Variants in ARIH2 observed in about 807,000 individuals in gnomAD.
The protein encoded by ARIH2 is ariadne RBR E3 ubiquitin protein ligase 2, also known as E3 ubiquitin-protein ligase ARIH2.
A neutral mutation model predicts 79.8 loss-of-function variants in ARIH2; 12 were observed. That is an observed-to-expected ratio of 0.15 (90% CI 0.10 to 0.24). ARIH2 has a LOEUF of 0.24. ARIH2 is among the 10% of genes least tolerant of loss of function. ARIH2 has a pLI of 1.00. For synonymous variants in ARIH2, 224 were observed against 213.9 expected, an observed-to-expected ratio of 1.05 and a Z score of -0.41; for missense variants, 301 against 618.3, an observed-to-expected ratio of 0.49 and a Z score of 5.44.
intron 4 of ARIH2, 32 bp downstream of exon 4, chr3:48,961,711 G>A (rs1363653219): frequency 7.2e-7 from 1 of 1,388,936 alleles, no homozygotes; most frequent in South Asian, 1.2e-5. Context: ...AGAGAACATT[G>A]CCCATAGCTC....
intron 3 of ARIH2, among the ~76,000 whole-genome samples, chr3:48,933,060 A>G (rs1010572749): frequency 6.6e-6 from 1 of 152,192 alleles, no homozygotes; most frequent in Non-Finnish European, 1.5e-5. Context: ...TTTGTAAACT[A>G]TAGGAATAGG....
chr3:48,966,612 G>A (rs7647734), intron 5 of ARIH2, among the ~76,000 whole-genome samples: 91 of 152,264 alleles, frequency 6.0e-4, no homozygotes, highest in African/African-American at 2.0e-3. Flanking sequence ...TGGGTACGTC[G>A]ATATAGTGAA....
intron 3 of ARIH2, among the ~76,000 whole-genome samples, chr3:48,936,206 T>G (rs2087091023): frequency 6.6e-6 from 1 of 152,186 alleles, no homozygotes; most frequent in Non-Finnish European, 1.5e-5. Flanking sequence ...TTATCTTTTT[T>G]TTTTTCTTTG....
intron 7 of ARIH2, among the ~76,000 whole-genome samples, chr3:48,969,946 A>G (rs1399629938): frequency 6.7e-6 from 1 of 149,720 alleles, no homozygotes; most frequent in Non-Finnish European, 1.5e-5. Context: ...GCCGGAGTAC[A>G]GGGACACGAT....
At chr3:48,963,955 G>A (rs759691972) in intron 4 of ARIH2, among the ~76,000 whole-genome samples, 1 of 152,074 alleles carries the variant, frequency 6.6e-6, no homozygotes, top group Non-Finnish European at 1.5e-5. Flanking sequence ...CCAGTTCCTA[G>A]AACCAAATGG....
chr3:48,954,252 G>A (rs1015759760), intron 3 of ARIH2, among the ~76,000 whole-genome samples: 42 of 152,082 alleles, frequency 2.8e-4, no homozygotes, highest in African/African-American at 8.7e-4. Context: ...TCAGGAGATC[G>A]AGACCATCCT....
At chr3:48,925,574 ATGGT>A (rs1240097003) in intron 2 of ARIH2, among the ~76,000 whole-genome samples, 21 of 151,660 alleles carry the variant, frequency 1.4e-4, no homozygotes, top group Non-Finnish European at 3.1e-4. Context: ...GTTTTAGATT[ATGGT>A]TGGTTGTTTT....
intron 3 of ARIH2, among the ~76,000 whole-genome samples, chr3:48,957,266 C>A (rs2090700068): frequency 6.6e-6 from 1 of 152,242 alleles, no homozygotes; most frequent in South Asian, 2.1e-4. Context: ...TCTGAGGCTT[C>A]ACTGTGGCTG....
chr3:48,949,222 A>G, intron 3 of ARIH2: 1 of 403,772 alleles, frequency 2.5e-6, no homozygotes, highest in Non-Finnish European at 5.0e-6. Flanking sequence ...GGTTCATGGC[A>G]TTCTCCTGCC....
intron 11 of ARIH2, among the ~76,000 whole-genome samples, chr3:48,976,407 C>T (rs1288410125): frequency 6.6e-6 from 1 of 151,226 alleles, no homozygotes; most frequent in Non-Finnish European, 1.5e-5. Flanking sequence ...GATGCGGTTT[C>T]ACCATGTTGG....
At chr3:48,938,019 C>T (rs1194208463) in intron 3 of ARIH2, among the ~76,000 whole-genome samples, 1 of 138,932 alleles carries the variant, frequency 7.2e-6, no homozygotes, top group Non-Finnish European at 1.5e-5. Context: ...TGCACTCCAG[C>T]CTGGGCGACA....
At chr3:48,980,582 AAG>A in intron 13 of ARIH2, 86 bp downstream of exon 13, 6 of 1,495,096 alleles carry the variant, frequency 4.0e-6, no homozygotes, top group South Asian at 1.3e-5. Flanking sequence ...GCTCTGTTGA[AAG>A]AGGGTATTTT....
Position 48,922,771 on chromosome 3 carries a change from A to G in ARIH2, c.-138A>G, listed in dbSNP as rs1233773358. On this transcript the variant is annotated 5_prime_UTR_variant, in exon 2 of 16. It adds an upstream start codon to the 5' untranslated region. Transcript: ENST00000356401. ...AGATGGAAATCATATTATGTAGAAT[A>G]CTTGGGTGACATCTGCCTGAGAGAT... 6.6e-6 allele frequency: 1 copy of G among 152,180 alleles called. No homozygotes were observed. Among genetic ancestry groups the G allele is most frequent in the Non-Finnish European group, 1.5e-5 (1 of 68,036 alleles). 9.4% of individuals were successfully genotyped at this position (152,180 alleles called of 1,614,324 possible).
At chr3:48,970,779 T>C (rs1170612241) in intron 8 of ARIH2, 75 bp downstream of exon 8, 3 of 1,181,760 alleles carry the variant, frequency 2.5e-6, no homozygotes, top group Non-Finnish European at 3.8e-6. Context: ...TGTTGCTCCA[T>C]GTGAGGGCGG....
At position 48,976,926 on chromosome 3, in the gene ARIH2, C is replaced by T. The variant is rs535344684; in HGVS notation, c.961+1947C>T. Among the ~76,000 whole-genome samples, 9 of 149,758 alleles carry T rather than the reference C, an allele frequency of 6.0e-5. No individual in the cohort carries two copies. The South Asian group carries it at 6.4e-4, about 11-fold the overall frequency. On this transcript the variant is annotated intron_variant, in intron 11 of 15. Coordinates refer to ENST00000356401, the MANE Select transcript of ARIH2 (RefSeq NM_006321.4). ...CTCAAAAAAAAAAAAACTGGCTGGG[C>T]GCGGTGGCTCACGCCTGTAATCCCA...
intron 1 of ARIH2, among the ~76,000 whole-genome samples, chr3:48,920,344 A>G (rs2084637707): frequency 6.6e-6 from 1 of 150,804 alleles, no homozygotes; most frequent in East Asian, 2.0e-4. Flanking sequence ...CGGATATTTA[A>G]CTTTGAGATG....
chr3:48,943,776 G>GTA lies in ARIH2; in HGVS notation c.255+15964_255+15965dup, dbSNP rs2088703731. On this transcript the variant is annotated intron_variant, in intron 3 of 15. Coordinates refer to ENST00000356401, the MANE Select transcript of ARIH2 (RefSeq NM_006321.4). Reference sequence around the variant, plus strand: ...TCATTAAGATGTGCTGGCCTCTGAAGTACCCTCCTTTTGGAGAAGATGGTA... The same window carrying GTA: ...TCATTAAGATGTGCTGGCCTCTGAAGTATACCCTCCTTTTGGAGAAGATGGTA... 2.0e-5 allele frequency among the ~76,000 whole-genome samples: 3 copies of GTA among 152,274 alleles called. No homozygotes were observed. The South Asian group carries it at 6.2e-4, about 32-fold the overall frequency.
chr3:48,949,751 A>G (rs752186601), intron 3 of ARIH2, among the ~76,000 whole-genome samples: 3 of 151,918 alleles, frequency 2.0e-5, no homozygotes, highest in Non-Finnish European at 4.4e-5. Context: ...AGAATTCTTT[A>G]CATAGTTTGA....
intron 3 of ARIH2, among the ~76,000 whole-genome samples, chr3:48,951,430 A>G (rs2089943010): frequency 6.6e-6 from 1 of 151,718 alleles, no homozygotes; most frequent in African/African-American, 2.4e-5. Flanking sequence ...TTTCTTGGTT[A>G]TGTTTTATCA....
Sources: gnomAD v4.1 joint callset for allele counts (sites outside exome capture counted in the v4.1 genomes callset) on GRCh38, gnomAD v4.1.1 for gene constraint, MANE v1.5 for transcripts, NCBI Gene and HGNC (gene_info 2026-07-23, HGNC 2026-07-21) for gene names.